Variants in PLXDC2 observed in about 807,000 individuals in gnomAD.
PLXDC2 encodes the protein plexin domain-containing protein 2.
In PLXDC2, 40 loss-of-function variants were observed where a neutral mutation model predicts 68.9. The observed-to-expected ratio is 0.58, with a 90% confidence interval of 0.45 to 0.76. The LOEUF is 0.76. Ranked by LOEUF, PLXDC2 falls within the 30% of genes least tolerant of loss-of-function variation. The pLI, the probability that PLXDC2 is intolerant of heterozygous loss-of-function variation, is 0.00. For synonymous variants in PLXDC2, 243 were observed against 234.2 expected, an observed-to-expected ratio of 1.04 and a Z score of -0.34; for missense variants, 644 against 661.9, an observed-to-expected ratio of 0.97 and a Z score of 0.30.
chr10:19,829,736 A>C (rs1836650675), intron 1 of PLXDC2, among the ~76,000 whole-genome samples: 1 of 152,136 alleles, frequency 6.6e-6, no homozygotes, highest in African/African-American at 2.4e-5. Flanking sequence ...TCAAAAGTAA[A>C]AATTTAAAAA....
intron 1 of PLXDC2, among the ~76,000 whole-genome samples, chr10:19,930,042 T>C (rs566336262): frequency 9.2e-5 from 14 of 152,042 alleles, no homozygotes; most frequent in Admixed American, 6.5e-4. Flanking sequence ...ATTTATTCAT[T>C]TTTTTTTCCT....
intron 4 of PLXDC2, among the ~76,000 whole-genome samples, chr10:20,086,278 G>A (rs142486121): frequency 6.6e-6 from 1 of 152,138 alleles, no homozygotes; most frequent in East Asian, 1.9e-4. Flanking sequence ...TCCCATCTCA[G>A]CCACCCAAAT....
chr10:19,987,718 C>T (rs928941970), intron 1 of PLXDC2, among the ~76,000 whole-genome samples: 1 of 151,620 alleles, frequency 6.6e-6, no homozygotes, highest in Admixed American at 6.6e-5. Context: ...CCCGCCACCA[C>T]CCCCGGCTAT....
intron 11 of PLXDC2, among the ~76,000 whole-genome samples, chr10:20,218,273 T>C (rs1468348621): frequency 6.6e-6 from 1 of 152,060 alleles, no homozygotes; most frequent in Non-Finnish European, 1.5e-5. Context: ...GGGGGATAAA[T>C]GGGTCTTACT....
intron 2 of PLXDC2, among the ~76,000 whole-genome samples, chr10:20,023,524 G>A (rs1835349202): frequency 6.6e-6 from 1 of 152,104 alleles, no homozygotes; most frequent in Admixed American, 6.6e-5. Context: ...CTGATAAAAG[G>A]ATGAGTTCAG....
intron 1 of PLXDC2, among the ~76,000 whole-genome samples, chr10:19,825,438 A>G (rs1327767265): frequency 6.6e-6 from 1 of 152,180 alleles, no homozygotes; most frequent in African/African-American, 2.4e-5. Flanking sequence ...CTCTTTGAGT[A>G]TGATGCTTGG....
intron 12 of PLXDC2, among the ~76,000 whole-genome samples, chr10:20,239,998 G>C (rs1414124860): frequency 6.6e-6 from 1 of 152,120 alleles, no homozygotes; most frequent in East Asian, 1.9e-4. Context: ...ATTATCATGG[G>C]AGTTTATTGT....
intron 7 of PLXDC2, among the ~76,000 whole-genome samples, chr10:20,165,464 T>G (rs1834362272): frequency 6.6e-6 from 1 of 151,906 alleles, no homozygotes. Flanking sequence ...GAGTATGATG[T>G]TCCCCTTCCT....
chr10:19,928,217 C>T (rs1833571168), intron 1 of PLXDC2, among the ~76,000 whole-genome samples: 1 of 152,060 alleles, frequency 6.6e-6, no homozygotes, highest in Admixed American at 6.6e-5. Context: ...AGGTTGATTC[C>T]ATATCTTTGC....
intron 1 of PLXDC2, among the ~76,000 whole-genome samples, chr10:19,910,055 G>C (rs889969390): frequency 5.9e-5 from 9 of 152,060 alleles, no homozygotes; most frequent in Non-Finnish European, 1.3e-4. Context: ...CAAAGCCTGA[G>C]TGGTCCAGGG....
chr10:20,158,090 G>C (rs1227544301), intron 6 of PLXDC2, among the ~76,000 whole-genome samples: 2 of 151,992 alleles, frequency 1.3e-5, no homozygotes, highest in Non-Finnish European at 2.9e-5. Context: ...CTGTAGTTTA[G>C]AGTTTTTATT....
chr10:20,021,337 C>A (rs11595418), intron 2 of PLXDC2, among the ~76,000 whole-genome samples: 34,010 of 151,932 alleles, frequency 0.22, 4,698 homozygotes, highest in Non-Finnish European at 0.33. Flanking sequence ...TATACATGCC[C>A]TGGTGGTTTG....
intron 5 of PLXDC2, among the ~76,000 whole-genome samples, chr10:20,146,880 T>G (rs1320095360): frequency 6.6e-6 from 1 of 152,154 alleles, no homozygotes; most frequent in Admixed American, 6.5e-5. Flanking sequence ...TACTGGGAGA[T>G]AAGATTTGCT....
intron 1 of PLXDC2, among the ~76,000 whole-genome samples, chr10:19,842,450 G>C (rs1836927385): frequency 6.6e-6 from 1 of 152,098 alleles, no homozygotes; most frequent in Non-Finnish European, 1.5e-5. Flanking sequence ...TCCCACCCCT[G>C]TCCTTTCATA....
At chr10:20,218,295 A>T (rs1835166695) in intron 11 of PLXDC2, among the ~76,000 whole-genome samples, 1 of 151,372 alleles carries the variant, frequency 6.6e-6, no homozygotes, top group South Asian at 2.1e-4. Context: ...GTTTATTGTT[A>T]TAAGCCTCAC....
chr10:20,203,522 G>T (rs957754405), intron 9 of PLXDC2, among the ~76,000 whole-genome samples: 1 of 151,746 alleles, frequency 6.6e-6, no homozygotes, highest in African/African-American at 2.4e-5. Flanking sequence ...GGCTACTCAG[G>T]CTGGTCTTGA....
At chr10:19,979,854 C>G (rs1256607622) in intron 1 of PLXDC2, among the ~76,000 whole-genome samples, 3 of 152,188 alleles carry the variant, frequency 2.0e-5, no homozygotes, top group Non-Finnish European at 4.4e-5. Context: ...CTCGGCATTT[C>G]CACAGTGGAG....
intron 13 of PLXDC2, among the ~76,000 whole-genome samples, chr10:20,273,569 A>G (rs1334046694): frequency 1.3e-5 from 2 of 152,204 alleles, no homozygotes; most frequent in East Asian, 3.9e-4. Flanking sequence ...TACATATCAT[A>G]TGTATATATG....
At chr10:19,905,555 G>T (rs1280676040) in intron 1 of PLXDC2, among the ~76,000 whole-genome samples, 2 of 151,956 alleles carry the variant, frequency 1.3e-5, no homozygotes, top group African/African-American at 4.8e-5. Flanking sequence ...GTGGGGAAAG[G>T]TGGCAGGACT....
Sources: allele counts gnomAD v4.1 joint callset (sites outside exome capture counted in the v4.1 genomes callset), GRCh38; gene constraint gnomAD v4.1.1; transcripts MANE v1.5; gene names NCBI Gene and HGNC (gene_info 2026-07-23, HGNC 2026-07-21).